Variants in SUPT3H observed in about 807,000 individuals in gnomAD.
The protein encoded by SUPT3H is SPT3 homolog, SAGA and STAGA complex component.
A neutral mutation model predicts 44.3 loss-of-function variants in SUPT3H; 44 were observed. The ratio of observed to expected loss-of-function variants is 0.99; its 90% CI spans 0.78 to 1.28. The LOEUF is 1.28. SUPT3H is among the 50% of genes most tolerant of loss of function. The pLI, the probability that SUPT3H is intolerant of heterozygous loss-of-function variation, is 0.00. For synonymous variants in SUPT3H, 124 were observed against 125.6 expected, an observed-to-expected ratio of 0.99 and a Z score of 0.09; for missense variants, 380 against 387.1, an observed-to-expected ratio of 0.98 and a Z score of 0.15.
chr6:44,938,318 T>C (rs1771831062), intron 9 of SUPT3H, among the ~76,000 whole-genome samples: 1 of 152,192 alleles, frequency 6.6e-6, no homozygotes, highest in Admixed American at 6.5e-5. Flanking sequence ...CAGCTCCTTT[T>C]TCTGAAGAGG....
intron 10 of SUPT3H, among the ~76,000 whole-genome samples, chr6:44,885,358 G>A (rs1212497811): frequency 6.6e-6 from 1 of 152,044 alleles, no homozygotes; most frequent in Non-Finnish European, 1.5e-5. Flanking sequence ...CTAACTGCGA[G>A]GCACCCCCAG....
At chr6:45,115,196 G>A (rs1203822986) in intron 2 of SUPT3H, among the ~76,000 whole-genome samples, 1 of 152,112 alleles carries the variant, frequency 6.6e-6, no homozygotes, top group Non-Finnish European at 1.5e-5. Flanking sequence ...TGGAATCAGA[G>A]AGAGTCAAGA....
chr6:44,853,615 G>C (rs1358483937), intron 10 of SUPT3H, among the ~76,000 whole-genome samples: 1 of 152,008 alleles, frequency 6.6e-6, no homozygotes, highest in African/African-American at 2.4e-5. Flanking sequence ...AGATTAACAG[G>C]AGAAAAAAAC....
intron 10 of SUPT3H, among the ~76,000 whole-genome samples, chr6:44,876,551 C>G (rs1582142252): frequency 6.8e-6 from 1 of 146,210 alleles, no homozygotes; most frequent in African/African-American, 2.5e-5. Context: ...ATACCTAATG[C>G]TAGATGATAC....
chr6:45,344,160 ATCCACTAAATACT>A (rs1166899764), intron 2 of SUPT3H, among the ~76,000 whole-genome samples: 1 of 152,212 alleles, frequency 6.6e-6, no homozygotes, highest in African/African-American at 2.4e-5. Flanking sequence ...GAGAAAGAAC[ATCCACTAAATACT>A]TAGTAGTATA....
Position 45,003,653 on chromosome 6 carries a change from C to G in SUPT3H, c.504G>C (p.Glu168Asp). 1 of 1,612,922 alleles carries G rather than the reference C, an allele frequency of 6.2e-7. No individual in the cohort carries two copies. The highest frequency in any genetic ancestry group is 1.3e-5 in the African/African-American group (1 of 74,942). Residue 168 changes from glutamate to aspartate, a missense_variant and splice_region_variant, in exon 6 of 11, where the codon GAG (glutamate) becomes GAC (aspartate). By Grantham distance (45) the Glu-to-Asp change is conservative. Coordinates refer to ENST00000371459, the MANE Select transcript of SUPT3H (RefSeq NM_003599.4). ...EIDEVKQERM[E>D]RAERQTRIMD... ...GTAAAAAGGGAAGAATGTACTATACCTCCATTCTTTCTTGTTTAACTTCAT... is the reference window on the plus strand; with the variant it reads ...GTAAAAAGGGAAGAATGTACTATACGTCCATTCTTTCTTGTTTAACTTCAT...
At position 45,334,486 on chromosome 6, in the gene SUPT3H, A is replaced by AG. The variant is rs569524797; in HGVS notation, c.101+30714dup. Among the ~76,000 whole-genome samples the AG allele has an allele frequency of 7.4e-5, 11 of 149,152 alleles. 1 individual carries two copies. The South Asian group carries it at 2.3e-3, about 31-fold the overall frequency. ...AAAAAAAAAGACAAAGTTAAATGCT[A>AG]GCCAAATCACAATAACAATCATCAA... On this transcript the variant is annotated intron_variant, in intron 2 of 10. Transcript: ENST00000371459.
chr6:45,289,256 TA>T (rs983482924), intron 2 of SUPT3H, among the ~76,000 whole-genome samples: 2 of 151,908 alleles, frequency 1.3e-5, no homozygotes, highest in African/African-American at 2.4e-5. Context: ...ATCCCTACCA[TA>T]AAAAAATCCA....
In SUPT3H at chr6:45,095,461, TCCAGA is replaced by T. The variant is rs1320794929; in HGVS notation, c.186+10456_186+10460del. Among the ~76,000 whole-genome samples the T allele has an allele frequency of 9.0e-5, 5 of 55,294 alleles. No homozygotes were observed. Among genetic ancestry groups the T allele is most frequent in the East Asian group, 2.3e-3 (1 of 442 alleles). The allele number at this position is 55,294 out of a possible 152,430, so 36.3% of individuals were successfully genotyped here. ...GAGGGGTGAATTCAGTGCATTTTAA[TCCAGA>T]TCGGAGATTAAGCCATAACTCTTCA... On this transcript the variant is annotated intron_variant, in intron 3 of 10. Coordinates refer to ENST00000371459, the MANE Select transcript of SUPT3H (RefSeq NM_003599.4). This position sits in a 1 kb window ranked among gnomAD's most constrained non-coding sequence, Gnocchi z 4.1.
At chr6:45,343,075 G>A (rs1315024656) in intron 2 of SUPT3H, among the ~76,000 whole-genome samples, 1 of 152,144 alleles carries the variant, frequency 6.6e-6, no homozygotes, top group Admixed American at 6.5e-5. Flanking sequence ...AATGTAAAGT[G>A]TCTACACTGA....
intron 10 of SUPT3H, among the ~76,000 whole-genome samples, chr6:44,866,489 G>A (rs1329074920): frequency 2.7e-5 from 4 of 148,752 alleles, no homozygotes; most frequent in Non-Finnish European, 5.9e-5. Context: ...CCATCTCTTA[G>A]GTAATATATA....
At chr6:45,111,607 T>C (rs183670114) in intron 2 of SUPT3H, among the ~76,000 whole-genome samples, 4 of 143,688 alleles carry the variant, frequency 2.8e-5, no homozygotes, top group Non-Finnish European at 6.0e-5. Flanking sequence ...AAAACTTGTA[T>C]TTTTCCTTTC....
intron 8 of SUPT3H, 127 bp from the exon 9 acceptor site, chr6:44,953,544 T>A: frequency 1.4e-6 from 1 of 699,422 alleles, no homozygotes; most frequent in Non-Finnish European, 2.4e-6. Context: ...ATCTATATTG[T>A]AGACATGAGC....
intron 3 of SUPT3H, among the ~76,000 whole-genome samples, chr6:45,048,664 C>T (rs774859290): frequency 2.0e-5 from 3 of 151,946 alleles, no homozygotes; most frequent in Non-Finnish European, 4.4e-5. Flanking sequence ...AGTGGGTAAA[C>T]GGATAAAGAA....
chr6:44,991,889 T>C (rs1477009913), intron 6 of SUPT3H, among the ~76,000 whole-genome samples: 1 of 152,168 alleles, frequency 6.6e-6, no homozygotes, highest in Non-Finnish European at 1.5e-5. Flanking sequence ...TTTTCATATT[T>C]AGAAACACTA....
At chr6:45,059,368 C>A (rs1212463158) in intron 3 of SUPT3H, among the ~76,000 whole-genome samples, 1 of 152,026 alleles carries the variant, frequency 6.6e-6, no homozygotes, top group East Asian at 1.9e-4. Flanking sequence ...GCAGAAAAGG[C>A]CTTTGATAAA....
intron 2 of SUPT3H, among the ~76,000 whole-genome samples, chr6:45,268,703 C>T (rs1775651507): frequency 6.6e-6 from 1 of 151,722 alleles, no homozygotes; most frequent in Admixed American, 6.6e-5. Context: ...AATGTGTACA[C>T]ATAGAAAACA....
intron 7 of SUPT3H, among the ~76,000 whole-genome samples, chr6:44,961,424 G>C (rs1776002526): frequency 6.6e-6 from 1 of 152,134 alleles, no homozygotes; most frequent in Admixed American, 6.6e-5. Flanking sequence ...AGAAATACTA[G>C]TGTAAATATG....
intron 3 of SUPT3H, among the ~76,000 whole-genome samples, chr6:45,069,241 T>G (rs115231308): frequency 0.018 from 2,670 of 152,234 alleles, 52 homozygotes; most frequent in South Asian, 0.085. Flanking sequence ...ACCAATTGTA[T>G]TAGAGGAACC....
Sources: allele counts gnomAD v4.1 joint callset (sites outside exome capture counted in the v4.1 genomes callset), GRCh38; gene constraint gnomAD v4.1.1; non-coding constraint Gnocchi (gnomAD v3.1); transcripts MANE v1.5; gene names NCBI Gene and HGNC (gene_info 2026-07-23, HGNC 2026-07-21).